The following CDC42SE2 variants were observed in gnomAD, a reference collection of about 807,000 sequenced individuals.
CDC42SE2 encodes CDC42 small effector protein 2.
Under a neutral mutation model 11.5 loss-of-function variants are expected in CDC42SE2, and 3 were observed. That is an observed-to-expected ratio of 0.26 (90% confidence interval 0.12 to 0.67). The LOEUF (loss-of-function observed/expected upper bound fraction) is 0.67, where lower values mean the gene tolerates loss of function less well. CDC42SE2 is among the 30% of genes least tolerant of loss of function. The pLI is 0.80. For missense variants in CDC42SE2, 82 were observed against 106.8 expected, an observed-to-expected ratio of 0.77 and a Z score of 1.02; for synonymous variants, 33 against 34.8, an observed-to-expected ratio of 0.95 and a Z score of 0.18.
At chr5:131,334,186 T>TCACGTCATTA (rs1758496475) in intron 2 of CDC42SE2, among the ~76,000 whole-genome samples, 1 of 152,172 alleles carries the variant, frequency 6.6e-6, no homozygotes, top group Non-Finnish European at 1.5e-5. Flanking sequence ...GTTGTTGAAT[T>TCACGTCATTA]TTGTCAAAGG....
intron 1 of CDC42SE2, among the ~76,000 whole-genome samples, chr5:131,310,233 C>CAGTTTCCATGT (rs1230506281): frequency 2.6e-5 from 4 of 151,866 alleles, no homozygotes; most frequent in Non-Finnish European, 5.9e-5. Flanking sequence ...GCAGGTTGTT[C>CAGTTTCCATGT]AGTTTCCATG....
intron 2 of CDC42SE2, among the ~76,000 whole-genome samples, chr5:131,332,605 T>A (rs1758445808): frequency 6.6e-6 from 1 of 152,166 alleles, no homozygotes; most frequent in African/African-American, 2.4e-5. Flanking sequence ...GTGTTCCTAT[T>A]TCTCCACATC....
chr5:131,267,244 AGGGTT>A, intron 1 of CDC42SE2, among the ~76,000 whole-genome samples: 1 of 151,850 alleles, frequency 6.6e-6, no homozygotes, highest in South Asian at 2.1e-4. Flanking sequence ...TAGTAGAGAC[AGGGTT>A]TCACCGTGTT....
At chr5:131,279,650 T>C (rs1289067776) in intron 1 of CDC42SE2, among the ~76,000 whole-genome samples, 2 of 152,130 alleles carry the variant, frequency 1.3e-5, no homozygotes, top group Admixed American at 1.3e-4. Flanking sequence ...CTGTTACCTT[T>C]CCTGTGGTCA....
At chr5:131,370,571 C>T (rs1749989465) in intron 3 of CDC42SE2, among the ~76,000 whole-genome samples, 1 of 151,900 alleles carries the variant, frequency 6.6e-6, no homozygotes, top group Non-Finnish European at 1.5e-5. Context: ...GATCTTCCTG[C>T]CTCAGCCTCC....
chr5:131,376,798 A>G (rs1437122013), intron 3 of CDC42SE2, among the ~76,000 whole-genome samples: 2 of 152,216 alleles, frequency 1.3e-5, no homozygotes, highest in African/African-American at 2.4e-5. Context: ...AGCTCCATCC[A>G]TGTTGCTCCA....
At chr5:131,380,931 ATAGCAC>A (rs921426331) in intron 3 of CDC42SE2, among the ~76,000 whole-genome samples, 1 of 152,162 alleles carries the variant, frequency 6.6e-6, no homozygotes, top group Non-Finnish European at 1.5e-5. Context: ...CTCCACTGAC[ATAGCAC>A]TCACTAAGGT....
At chr5:131,366,058 G>A (rs1207573250) in intron 3 of CDC42SE2, among the ~76,000 whole-genome samples, 1 of 152,164 alleles carries the variant, frequency 6.6e-6, no homozygotes, top group African/African-American at 2.4e-5. Context: ...ATAGAAGACT[G>A]ATTCAAATGT....
intron 1 of CDC42SE2, among the ~76,000 whole-genome samples, chr5:131,315,156 G>T (rs922226167): frequency 2.6e-5 from 4 of 151,990 alleles, no homozygotes; most frequent in African/African-American, 7.2e-5. Context: ...GTCAATTCAG[G>T]TTGGACACGT....
At chr5:131,357,937 A>C (rs2149769101) in intron 2 of CDC42SE2, among the ~76,000 whole-genome samples, 1 of 152,306 alleles carries the variant, frequency 6.6e-6, no homozygotes, top group East Asian at 1.9e-4. Flanking sequence ...AGTGGCAGTT[A>C]ATACTGCCAC....
chr5:131,285,069 C>G (rs1479456838), intron 1 of CDC42SE2, among the ~76,000 whole-genome samples: 1 of 151,396 alleles, frequency 6.6e-6, no homozygotes, highest in Non-Finnish European at 1.5e-5. Context: ...GGGAGGATTG[C>G]TTGAGCCCTG....
intron 2 of CDC42SE2, among the ~76,000 whole-genome samples, chr5:131,343,005 A>C (rs961923811): frequency 6.6e-6 from 1 of 152,188 alleles, no homozygotes; most frequent in Non-Finnish European, 1.5e-5. Context: ...TAAAAAGTCT[A>C]TGTGCTCATA....
the CDC42SE2 span, among the ~76,000 whole-genome samples, chr5:131,211,617 A>G: frequency 1.3e-5 from 2 of 152,180 alleles, no homozygotes; most frequent in East Asian, 1.9e-4. Context: ...CGTCCCTCCA[A>G]ATAGATTTTG....
chr5:131,358,426 A>G (rs1387603414), intron 2 of CDC42SE2, among the ~76,000 whole-genome samples: 2 of 152,056 alleles, frequency 1.3e-5, no homozygotes, highest in African/African-American at 4.8e-5. Flanking sequence ...CCTCAAAACC[A>G]TCTTCCACAT....
At chr5:131,217,616 C>T in the CDC42SE2 span, among the ~76,000 whole-genome samples, 1 of 152,086 alleles carries the variant, frequency 6.6e-6, no homozygotes, top group South Asian at 2.1e-4. Flanking sequence ...AACAATAAAA[C>T]TTTTAAAGGA....
chr5:131,309,837 T>C (rs936445883), intron 1 of CDC42SE2, among the ~76,000 whole-genome samples: 8 of 152,130 alleles, frequency 5.3e-5, no homozygotes, highest in Non-Finnish European at 1.0e-4. Context: ...TCTTCTCTCT[T>C]TTTTTCTTTA....
At chr5:131,311,293 G>A (rs985359414) in intron 1 of CDC42SE2, among the ~76,000 whole-genome samples, 6 of 151,548 alleles carry the variant, frequency 4.0e-5, no homozygotes, top group Non-Finnish European at 7.4e-5. Flanking sequence ...TGGCTTGTAG[G>A]GTTTCTGCCG....
intron 3 of CDC42SE2, among the ~76,000 whole-genome samples, chr5:131,368,325 A>G (rs939699612): frequency 6.6e-6 from 1 of 151,422 alleles, no homozygotes; most frequent in African/African-American, 2.4e-5. Flanking sequence ...AGGCTTCCCT[A>G]CATGCATGAG....
chr5:131,336,613 A>G (rs1758569245), intron 2 of CDC42SE2, among the ~76,000 whole-genome samples: 1 of 152,194 alleles, frequency 6.6e-6, no homozygotes, highest in African/African-American at 2.4e-5. Context: ...TACACCATTG[A>G]GACGTATATT....
Sources: allele counts gnomAD v4.1 joint callset (sites outside exome capture counted in the v4.1 genomes callset), GRCh38; gene constraint gnomAD v4.1.1; transcripts MANE v1.5; gene names NCBI Gene and HGNC (gene_info 2026-07-23, HGNC 2026-07-21).